Variants in MGAT4C observed in about 807,000 individuals in gnomAD.
MGAT4C encodes the protein MGAT4 family member C, also known as alpha-1,3-mannosyl-glycoprotein 4-beta-N-acetylglucosaminyltransferase C.
MGAT4C carries 19 observed loss-of-function variants against 40.1 expected under a neutral mutation model. The observed-to-expected ratio is 0.47, with a 90% CI of 0.33 to 0.70. The LOEUF is 0.70. Ranked by LOEUF, MGAT4C falls within the 30% of genes least tolerant of loss-of-function variation. The probability of loss-of-function intolerance (pLI) is 0.02; values close to 1 mark genes in which losing one functional copy is unlikely to be tolerated. For missense variants in MGAT4C, 491 were observed against 563.2 expected (o/e 0.87, Z 1.30); for synonymous variants, 181 against 187.1 (o/e 0.97, Z 0.27).
intron 2 of MGAT4C, among the ~76,000 whole-genome samples, chr12:86,452,710 G>A (rs139530111): frequency 6.2e-4 from 95 of 152,070 alleles, no homozygotes; most frequent in African/African-American, 2.1e-3. Context: ...ATATTGAAAT[G>A]ATCAAACACA....
At chr12:86,447,276 C>A (rs1289541776) in intron 2 of MGAT4C, among the ~76,000 whole-genome samples, 1 of 152,122 alleles carries the variant, frequency 6.6e-6, no homozygotes, top group African/African-American at 2.4e-5. Flanking sequence ...CAGGCATGTG[C>A]CACCACTCCT....
At chr12:86,240,749 T>G (rs1000517873) in intron 1 of MGAT4C, among the ~76,000 whole-genome samples, 44 of 152,258 alleles carry the variant, frequency 2.9e-4, no homozygotes, top group Non-Finnish European at 6.5e-4. Context: ...GAATAACTCT[T>G]TCATCTTATA....
intron 3 of MGAT4C, among the ~76,000 whole-genome samples, chr12:85,986,178 T>C (rs1271756381): frequency 6.6e-6 from 1 of 152,218 alleles, no homozygotes; most frequent in Non-Finnish European, 1.5e-5. Context: ...TGAGTCAGCC[T>C]TGTTGGCTGC....
At chr12:86,165,973 C>T (rs1483205412) in intron 1 of MGAT4C, among the ~76,000 whole-genome samples, 3 of 152,098 alleles carry the variant, frequency 2.0e-5, no homozygotes, top group African/African-American at 7.2e-5. Flanking sequence ...ATGTAAAAAT[C>T]ACCAAATTTA....
At chr12:86,660,900 G>A (rs1416263304) in intron 2 of MGAT4C, among the ~76,000 whole-genome samples, 1 of 152,128 alleles carries the variant, frequency 6.6e-6, no homozygotes, top group Non-Finnish European at 1.5e-5. Context: ...CTCATACAAT[G>A]AGTGAATGAT....
chr12:86,273,846 A>G (rs1303304056), intron 4 of MGAT4C, among the ~76,000 whole-genome samples: 1 of 152,210 alleles, frequency 6.6e-6, no homozygotes, highest in African/African-American at 2.4e-5. Flanking sequence ...TTAATCCAAC[A>G]GAAACTTTAT....
intron 3 of MGAT4C, among the ~76,000 whole-genome samples, chr12:85,987,564 T>C (rs1308736347): frequency 2.0e-5 from 3 of 152,246 alleles, no homozygotes; most frequent in Non-Finnish European, 4.4e-5. Context: ...GTAGAAGAGC[T>C]ACTTCATTAA....
At chr12:86,646,025 A>C (rs182314269) in intron 2 of MGAT4C, among the ~76,000 whole-genome samples, 1 of 151,882 alleles carries the variant, frequency 6.6e-6, no homozygotes, top group Non-Finnish European at 1.5e-5. Flanking sequence ...TCAAGTGATA[A>C]ATTTAGAAGC....
intron 3 of MGAT4C, among the ~76,000 whole-genome samples, chr12:86,362,604 C>A (rs61949469): frequency 0.092 from 13,902 of 151,650 alleles, 799 homozygotes; most frequent in Middle Eastern, 0.23. Context: ...ATAATTGTAC[C>A]AAGAAGTCAA....
intron 2 of MGAT4C, among the ~76,000 whole-genome samples, chr12:86,554,649 G>T (rs149817470): frequency 6.6e-6 from 1 of 152,124 alleles, no homozygotes; most frequent in African/African-American, 2.4e-5. Flanking sequence ...CTATGTTATT[G>T]CAACCACCAA....
At chr12:86,618,871 A>T (rs761595493) in intron 2 of MGAT4C, among the ~76,000 whole-genome samples, 2 of 152,096 alleles carry the variant, frequency 1.3e-5, no homozygotes, top group African/African-American at 2.4e-5. Flanking sequence ...ATGATAGATA[A>T]CCTAAATACC....
intron 1 of MGAT4C, among the ~76,000 whole-genome samples, chr12:86,163,720 A>G (rs778507367): frequency 6.6e-6 from 1 of 152,206 alleles, no homozygotes; most frequent in African/African-American, 2.4e-5. Context: ...CTAACTGGAT[A>G]ACGTGAAACA....
At chr12:86,397,652 G>T (rs569901804) in intron 3 of MGAT4C, among the ~76,000 whole-genome samples, 1 of 152,030 alleles carries the variant, frequency 6.6e-6, no homozygotes, top group South Asian at 2.1e-4. Flanking sequence ...ATATAATTTG[G>T]TTTTTATTAG....
chr12:86,097,337 G>A lies in MGAT4C; in HGVS notation c.-56-47614C>T, dbSNP rs936889398. 4.0e-5 allele frequency among the ~76,000 whole-genome samples: 6 copies of A among 151,716 alleles called. No homozygotes were observed. The South Asian group carries it at 8.3e-4, about 21-fold the overall frequency. Reference sequence around the variant, plus strand: ...TGTAGAAAATAATTTGGCTTGAATTGATCACTTGTTTGCCAGAAAGGCACC... The same window carrying A: ...TGTAGAAAATAATTTGGCTTGAATTAATCACTTGTTTGCCAGAAAGGCACC... On this transcript the variant is annotated intron_variant, in intron 1 of 4. Transcript: ENST00000611864.
chr12:86,527,958 A>G (rs1342666138), intron 2 of MGAT4C, among the ~76,000 whole-genome samples: 5 of 152,172 alleles, frequency 3.3e-5, no homozygotes, highest in Non-Finnish European at 2.9e-5. Flanking sequence ...ATGTAAATGT[A>G]TTTATCACCA....
chr12:86,242,911 C>G (rs1048489118), intron 1 of MGAT4C, among the ~76,000 whole-genome samples: 1 of 152,088 alleles, frequency 6.6e-6, no homozygotes, highest in Non-Finnish European at 1.5e-5. Flanking sequence ...CTAACAGAGC[C>G]CAGGAACAAG....
intron 4 of MGAT4C, among the ~76,000 whole-genome samples, chr12:86,274,759 G>A (rs1027367617): frequency 6.6e-6 from 1 of 152,202 alleles, no homozygotes; most frequent in Non-Finnish European, 1.5e-5. Context: ...TTACATTAAG[G>A]TGAAACATAA....
intron 2 of MGAT4C, among the ~76,000 whole-genome samples, chr12:86,648,522 G>A (rs1169954287): frequency 6.6e-6 from 1 of 151,716 alleles, no homozygotes; most frequent in Non-Finnish European, 1.5e-5. Flanking sequence ...TCTGTATATC[G>A]CATTCCCAGT....
At chr12:86,607,680 CATAG>C (rs1487807478) in intron 2 of MGAT4C, among the ~76,000 whole-genome samples, 2 of 152,076 alleles carry the variant, frequency 1.3e-5, no homozygotes, top group African/African-American at 2.4e-5. Flanking sequence ...AAGGTGAAAT[CATAG>C]ATAGGATTAG....
Sources: gnomAD v4.1 joint callset for allele counts (sites outside exome capture counted in the v4.1 genomes callset) on GRCh38, gnomAD v4.1.1 for gene constraint, MANE v1.5 for transcripts, NCBI Gene and HGNC (gene_info 2026-07-23, HGNC 2026-07-21) for gene names.